Variants in AKAP13 observed in about 807,000 individuals in gnomAD.
AKAP13 encodes A-kinase anchoring protein 13.
A neutral mutation model predicts 264.5 loss-of-function variants in AKAP13; 80 were observed. That is an observed-to-expected ratio of 0.30 (90% CI 0.25 to 0.36). The LOEUF (loss-of-function observed/expected upper bound fraction) is 0.36, where lower values mean the gene tolerates loss of function less well. Among genes scored for constraint, AKAP13 ranks in the 10% least tolerant of loss-of-function variants. The probability of loss-of-function intolerance (pLI) is 1.00; values close to 1 mark genes in which losing one functional copy is unlikely to be tolerated. For synonymous variants in AKAP13, 1,380 were observed against 1,250.2 expected, an observed-to-expected ratio of 1.10 and a Z score of -2.19; for missense variants, 3,712 against 3,435.2, an observed-to-expected ratio of 1.08 and a Z score of -2.01.
intron 33 of AKAP13, among the ~76,000 whole-genome samples, chr15:85,737,175 C>T (rs912258592): frequency 1.3e-5 from 2 of 152,118 alleles, no homozygotes; most frequent in East Asian, 1.9e-4. Flanking sequence ...CCACCTGGGC[C>T]TCCAAAAGTG....
At chr15:85,520,731 A>G in intron 2 of AKAP13, 1 of 518,776 alleles carries the variant, frequency 1.9e-6, no homozygotes, top group Non-Finnish European at 3.8e-6. Context: ...AGAGTTGAAC[A>G]TGTTCCAGGA....
At position 85,580,200 on chromosome 15, in the gene AKAP13, A is replaced by C. The variant is rs374210669; in HGVS notation, c.2132A>C (p.Asp711Ala). 6.2e-7 allele frequency: 1 copy of C among 1,614,036 alleles called. No homozygotes were observed. Among genetic ancestry groups the C allele is most frequent in the African/African-American group, 1.3e-5 (1 of 74,912 alleles). ...QDPPDASHCE[D>A]PQAHTVTSDP... ...CCACCCGATGCCTCCCACTGTGAAG[A>C]CCCACAGGCTCATACAGTCACCTCT... Residue 711 changes from aspartate to alanine, a missense_variant, in exon 7 of 37, where the codon GAC (aspartate) becomes GCC (alanine). By Grantham distance (126) the Asp-to-Ala change is moderately radical. This residue lies in a region of AKAP13 where 2,759 missense variants were observed against 2,411.7 expected (regional missense o/e 1.14). Transcript: ENST00000394518.
In AKAP13 at chr15:85,730,997, C is replaced by CTTTTTT. The variant is rs71468134; in HGVS notation, c.7282+309_7282+314dup. Reference sequence around the variant, plus strand: ...ACTGTTTTTTAATTAGTCACTTATGCTTTTTTTTTTTTTTTTTTTTTTTTG... The same window carrying CTTTTTT: ...ACTGTTTTTTAATTAGTCACTTATGCTTTTTTTTTTTTTTTTTTTTTTTTTTTTTTG... On this transcript the variant is annotated intron_variant, in intron 30 of 36. Transcript: ENST00000394518. Among the ~76,000 whole-genome samples, 211 of 57,428 alleles carry CTTTTTT rather than the reference C, an allele frequency of 3.7e-3. 1 individual carries two copies. Among genetic ancestry groups the CTTTTTT allele is most frequent in the East Asian group, 4.9e-3 (8 of 1,620 alleles). The allele number at this position is 57,428 out of a possible 152,430, so 37.7% of individuals were successfully genotyped here.
Position 85,730,541 on chromosome 15 carries a change from C to G in AKAP13, c.7116C>G (p.Ile2372Met), listed in dbSNP as rs760149574. 2.5e-6 allele frequency: 4 copies of G among 1,613,946 alleles called. No individual in the cohort carries two copies. The African/African-American group carries it at 4.0e-5, about 16-fold the overall frequency. ...AACTTCACCAGAAGGACCAAAAAAT[C>G]CTACTCTTGTTGGAAGAGAAGGAGA... The part of the protein sequence containing the change: ...KEQLHQKDQK[I>M]LLLLEEKEMI... The change falls in exon 30 of 37, where the codon ATC (isoleucine) becomes ATG (methionine). Residue 2372 changes from isoleucine to methionine, a missense_variant. Coordinates refer to ENST00000394518, the MANE Select transcript of AKAP13 (RefSeq NM_007200.5).
chr15:85,649,729 G>T (rs1310407406), intron 10 of AKAP13, among the ~76,000 whole-genome samples: 2 of 152,182 alleles, frequency 1.3e-5, no homozygotes, highest in African/African-American at 4.8e-5. Flanking sequence ...ATGAATATGT[G>T]TGGGTTCCTA....
intron 1 of AKAP13, among the ~76,000 whole-genome samples, chr15:85,399,527 A>AAAAAT (rs1567038675): frequency 1.7e-5 from 2 of 114,740 alleles, no homozygotes; most frequent in East Asian, 4.6e-4. Context: ...AAAAAATAAA[A>AAAAAT]AAATAAAAAA....
rs2079125960 is a variant in AKAP13 at position 85,580,383 on chromosome 15, A to T, written c.2315A>T (p.Glu772Val). ...PHPVVPKMEK[E>V]LVPDQAVISD... Reference sequence around the variant, plus strand: ...CCAGTTGTCCCTAAAATGGAGAAAGAACTGGTGCCAGACCAGGCAGTAATA... The same window carrying T: ...CCAGTTGTCCCTAAAATGGAGAAAGTACTGGTGCCAGACCAGGCAGTAATA... The change falls in exon 7 of 37, where the codon GAA becomes GTA. Residue 772 changes from glutamate to valine, a missense_variant. Coordinates refer to ENST00000394518, the MANE Select transcript of AKAP13 (RefSeq NM_007200.5). 1 of 1,614,240 alleles carries T rather than the reference A, an allele frequency of 6.2e-7. No homozygotes were observed. The highest frequency in any genetic ancestry group is 1.7e-5 in the Admixed American group (1 of 60,028).
At chr15:85,504,547 C>T (rs913965966) in intron 2 of AKAP13, among the ~76,000 whole-genome samples, 3 of 120,088 alleles carry the variant, frequency 2.5e-5, no homozygotes, top group Admixed American at 9.0e-5. Flanking sequence ...AAAAAATTAG[C>T]CAGGCATGGT....
intron 32 of AKAP13, among the ~76,000 whole-genome samples, chr15:85,735,834 G>A (rs2088435620): frequency 6.6e-6 from 1 of 152,164 alleles, no homozygotes; most frequent in Admixed American, 6.5e-5. Flanking sequence ...ACTGGCTTAG[G>A]GCAGTGTGTT....
intron 11 of AKAP13, among the ~76,000 whole-genome samples, chr15:85,657,168 A>G (rs28661992): frequency 1.1e-3 from 12 of 10,628 alleles, no homozygotes; most frequent in Admixed American, 5.9e-3. Flanking sequence ...AATAGTAGTA[A>G]TAATAATAAT....
chr15:85,443,991 T>A (rs1351856546), intron 1 of AKAP13, among the ~76,000 whole-genome samples: 1 of 152,180 alleles, frequency 6.6e-6, no homozygotes, highest in African/African-American at 2.4e-5. Context: ...GATATGTTTG[T>A]ACAGGAATTC....
intron 8 of AKAP13, among the ~76,000 whole-genome samples, chr15:85,592,362 A>C (rs1397395460): frequency 6.6e-6 from 1 of 152,168 alleles, no homozygotes; most frequent in Non-Finnish European, 1.5e-5. Flanking sequence ...CCGTGGGAAA[A>C]TATGACAGCC....
intron 8 of AKAP13, among the ~76,000 whole-genome samples, chr15:85,603,698 T>G (rs911059356): frequency 2.0e-5 from 3 of 152,260 alleles, no homozygotes; most frequent in Non-Finnish European, 1.5e-5. Context: ...TGAAATTTAT[T>G]GTTGTATTCA....
chr15:85,511,946 C>T (rs969599164), intron 2 of AKAP13, among the ~76,000 whole-genome samples: 2 of 152,002 alleles, frequency 1.3e-5, no homozygotes, highest in Admixed American at 1.3e-4. Context: ...CTTTTTCCTT[C>T]TTAGGACGTG....
chr15:85,580,707 T>A lies in AKAP13; in HGVS notation c.2639T>A (p.Ile880Asn). ...GEHEGPAPPA[I>N]PEALNIKGNT... ...CATGAGGGTCCCGCCCCTCCAGCAA[T>A]CCCAGAAGCTCTGAATATCAAGGGG... Residue 880 changes from isoleucine (I) to asparagine (N), a missense_variant, in exon 7 of 37, where the codon ATC becomes AAC. Coordinates refer to ENST00000394518, the MANE Select transcript of AKAP13 (RefSeq NM_007200.5). The A allele has an allele frequency of 6.2e-7, 1 of 1,614,136 alleles. No homozygotes were observed. The highest frequency in any genetic ancestry group is 1.7e-5 in the Admixed American group (1 of 60,022).
intron 4 of AKAP13, among the ~76,000 whole-genome samples, chr15:85,542,590 A>G (rs1285551613): frequency 6.6e-6 from 1 of 152,200 alleles, no homozygotes; most frequent in Non-Finnish European, 1.5e-5. Flanking sequence ...GAAAGAGATG[A>G]TAGCTAAGCT....
At chr15:85,490,133 A>C (rs1030835864) in intron 2 of AKAP13, among the ~76,000 whole-genome samples, 3 of 152,232 alleles carry the variant, frequency 2.0e-5, no homozygotes, top group African/African-American at 7.2e-5. Flanking sequence ...GCTTAGTAGT[A>C]TCCTTCTTGG....
chr15:85,645,675 G>C, intron 9 of AKAP13, 143 bp from the exon 10 acceptor site: 3 of 888,728 alleles, frequency 3.4e-6, no homozygotes, highest in Non-Finnish European at 4.8e-6. Context: ...TTGAAAAAAA[G>C]AAATAAGGAG....
At chr15:85,576,423 A>G (rs2079016779) in intron 6 of AKAP13, among the ~76,000 whole-genome samples, 1 of 152,240 alleles carries the variant, frequency 6.6e-6, no homozygotes. Flanking sequence ...AATCCACTCA[A>G]GTCTTCAAGA....
Sources: gnomAD v4.1 joint callset for allele counts (sites outside exome capture counted in the v4.1 genomes callset) on GRCh38, gnomAD v4.1.1 for gene constraint, gnomAD v4.1.1 regional missense constraint, MANE v1.5 for transcripts, NCBI Gene and HGNC (gene_info 2026-07-23, HGNC 2026-07-21) for gene names.